POLRMT: variants seen among roughly 807,000 people sequenced by gnomAD.
POLRMT encodes RNA polymerase mitochondrial.
A neutral mutation model predicts 132.2 loss-of-function variants in POLRMT; 114 were observed. The ratio of observed to expected loss-of-function variants is 0.86; its 90% CI spans 0.74 to 1.01. The LOEUF (loss-of-function observed/expected upper bound fraction) is 1.01, where lower values mean the gene tolerates loss of function less well. Among genes scored for constraint, POLRMT ranks in the 50% least tolerant of loss-of-function variants. The pLI is 0.00. For missense variants in POLRMT, 2,003 were observed against 1,729.1 expected, an observed-to-expected ratio of 1.16 and a Z score of -2.81; for synonymous variants, 1,020 against 773.4, an observed-to-expected ratio of 1.32 and a Z score of -5.29.
chr19:620,883 GGGGGCGCC>G (rs1984488192), intron 10 of POLRMT, among the ~76,000 whole-genome samples, 167 bp downstream of exon 10: 12 of 47,740 alleles, frequency 2.5e-4, no homozygotes, highest in Non-Finnish European at 4.4e-4. Context: ...CGGGGGACGT[GGGGGCGCC>G]AGGGGAGGGG....
chr19:625,722 G>A (rs555874804), intron 3 of POLRMT, among the ~76,000 whole-genome samples: 1 of 152,278 alleles, frequency 6.6e-6, no homozygotes, highest in South Asian at 2.1e-4. Context: ...TTCCCCCCAA[G>A]ATGGAGTCTT....
At chr19:618,287 G>C in intron 17 of POLRMT, 1 of 571,968 alleles carries the variant, frequency 1.7e-6, no homozygotes, top group South Asian at 2.3e-5. Flanking sequence ...TCTCCCTGTC[G>C]GGCCACAGGA....
chr19:618,298 G>A (rs1301053861), intron 17 of POLRMT, 190 bp downstream of exon 17: 2 of 582,762 alleles, frequency 3.4e-6, no homozygotes, highest in African/African-American at 3.7e-5. Context: ...GGCCACAGGA[G>A]GGGAGCTGCC....
intron 15 of POLRMT, 62 bp downstream of exon 15, chr19:618,935 C>T (rs1984255801): frequency 2.1e-6 from 3 of 1,418,028 alleles, no homozygotes; most frequent in African/African-American, 1.4e-5. Context: ...GGCACTGGTA[C>T]ACTGGGACGC....
At position 629,734 on chromosome 19, in the gene POLRMT, G is replaced by C; in HGVS notation, c.628C>G (p.Pro210Ala). ...GKLSLDVEQA[P>A]SGQHSQAQLS... ...TGGGCCTGCGAGTGCTGCCCCGACGGGGCCTGCTCCACATCGAGGCTCAGC... is the reference window on the plus strand; with the variant it reads ...TGGGCCTGCGAGTGCTGCCCCGACGCGGCCTGCTCCACATCGAGGCTCAGC... The change falls in exon 3 of 21, where the codon CCG becomes GCG. Residue 210 changes from proline to alanine, a missense_variant. Coordinates refer to ENST00000588649, the MANE Select transcript of POLRMT (RefSeq NM_005035.4). The C allele has an allele frequency of 6.3e-7, 1 of 1,580,412 alleles. No homozygotes were observed. The highest frequency in any genetic ancestry group is 8.6e-7 in the Non-Finnish European group (1 of 1,164,556).
At chr19:632,277 C>T (rs1985474954) in intron 2 of POLRMT, among the ~76,000 whole-genome samples, 1 of 152,236 alleles carries the variant, frequency 6.6e-6, no homozygotes, top group Non-Finnish European at 1.5e-5. Flanking sequence ...TCTCCCTTCC[C>T]GGCTGCCTAA....
rs57880842 is a variant in POLRMT, at chr19:633,529, G to GGCGCCGCCGCCGCCGCCGCCGCC, written c.-18_-17insGGCGGCGGCGGCGGCGGCGGCGC. On this transcript the variant is annotated 5_prime_UTR_variant, in exon 1 of 21. Transcript: ENST00000588649. Reference sequence around the variant, plus strand: ...TGCCGACATTACGCACGCCGCTCCAGGCCACCCCACCGGCCCGCGCCTGCG... The same window carrying GGCGCCGCCGCCGCCGCCGCCGCC: ...TGCCGACATTACGCACGCCGCTCCAGGCGCCGCCGCCGCCGCCGCCGCCGCCACCCCACCGGCCCGCGCCTGCG... 0.04 allele frequency: 58,496 copies of GGCGCCGCCGCCGCCGCCGCCGCC among 1,458,556 alleles called. 2,640 individuals carry two copies. Among genetic ancestry groups the GGCGCCGCCGCCGCCGCCGCCGCC allele is most frequent in the East Asian group, 0.18 (6,128 of 34,292 alleles). The allele number at this position is 1,458,556 out of a possible 1,614,324, so 90.4% of individuals were successfully genotyped here.
rs1421447758 is a variant in POLRMT, at chr19:621,208, G to A, written c.2490C>T (p.Gly830=). The A allele has an allele frequency of 4.3e-6, 7 of 1,610,236 alleles. No individual in the cohort carries two copies. The highest frequency in any genetic ancestry group is 1.3e-5 in the African/African-American group (1 of 74,774). The change falls in exon 10 of 21, where the codon GGC becomes GGT. Residue 830 remains glycine, a synonymous_variant. Transcript: ENST00000588649. ...CCAGGCCGTGCGGGCCGAGCGGGCG[G>A]CCCTGGGCGAACTCCAGCAGGGCCC... ...VARALLEFAQ[G]RPLGPHGLDW...
At chr19:632,543 G>A (rs946468366) in intron 2 of POLRMT, among the ~76,000 whole-genome samples, 2 of 151,860 alleles carry the variant, frequency 1.3e-5, no homozygotes, top group Non-Finnish European at 2.9e-5. Flanking sequence ...GGCCGGGGGG[G>A]GGGTCTCTCC....
intron 15 of POLRMT, 78 bp downstream of exon 15, chr19:618,919 C>T (rs574794371): frequency 6.0e-5 from 82 of 1,371,040 alleles, no homozygotes; most frequent in East Asian, 2.8e-4. Context: ...GGTGGTGGTA[C>T]GCTGGGGCAC....
chr19:619,819 C>A, intron 12 of POLRMT, 54 bp from the exon 13 acceptor site: 2 of 1,548,316 alleles, frequency 1.3e-6, no homozygotes, highest in East Asian at 2.3e-5. Flanking sequence ...AGCCCAGGGG[C>A]CACCAAGCAC....
At position 629,986 on chromosome 19, in the gene POLRMT, G is replaced by A. The variant is rs1165052384; in HGVS notation, c.376C>T (p.Leu126=). The stretch of plus-strand genomic sequence containing the variant: ...TGCTGGGTCCGCTTATCCTTCTCCA[G>A]TATCTTTGCCCAGCGGCCACAGGGC... The part of the protein sequence containing the change: ...PVPCGRWAKI[L]EKDKRTQQMR... Residue 126 remains leucine, a synonymous_variant, in exon 3 of 21, where the codon CTG becomes TTG. Coordinates refer to ENST00000588649, the MANE Select transcript of POLRMT (RefSeq NM_005035.4). The A allele has an allele frequency of 6.2e-7, 1 of 1,613,846 alleles. No individual in the cohort carries two copies. The highest frequency in any genetic ancestry group is 2.2e-5 in the East Asian group (1 of 44,886).
chr19:629,717 C>T lies in POLRMT; in HGVS notation c.645G>A (p.Ser215=), dbSNP rs760693805. 52 of 1,592,548 alleles carry T rather than the reference C, an allele frequency of 3.3e-5. No homozygotes were observed. The highest frequency in any genetic ancestry group is 3.8e-5 in the Non-Finnish European group (45 of 1,170,442). Residue 215 remains serine, a synonymous_variant, in exon 3 of 21, where the codon TCG becomes TCA. Transcript: ENST00000588649. ...DVEQAPSGQH[S]QAQLSGQQQR... The stretch of plus-strand genomic sequence containing the variant: ...GCTGCTGACCTGAGAGCTGGGCCTG[C>T]GAGTGCTGCCCCGACGGGGCCTGCT...
chr19:620,181 C>T (rs1298105844), intron 11 of POLRMT, 101 bp from the exon 12 acceptor site: 17 of 1,488,348 alleles, frequency 1.1e-5, no homozygotes, highest in South Asian at 3.9e-5. Flanking sequence ...GGCCGTGCAC[C>T]CCCCAGCCAA....
At position 620,093 on chromosome 19, in the gene POLRMT, C is replaced by A; in HGVS notation, c.2764-13G>T. ...TGCAAGAGCCGTCCTGAGGAAGGGG[C>A]GGCAAACGGGAGATGGAAGCTAGAG... On this transcript the variant is annotated splice_polypyrimidine_tract_variant and intron_variant, in intron 11 of 20. Coordinates refer to ENST00000588649, the MANE Select transcript of POLRMT (RefSeq NM_005035.4). 1.3e-6 allele frequency: 2 copies of A among 1,536,810 alleles called. No homozygotes were observed. Among genetic ancestry groups the A allele is most frequent in the Middle Eastern group, 1.7e-4 (1 of 5,984 alleles).
At position 621,852 on chromosome 19, in the gene POLRMT, G is replaced by T; in HGVS notation, c.1852-6C>A. 6.2e-7 allele frequency: 1 copy of T among 1,601,384 alleles called. No homozygotes were observed. Among genetic ancestry groups the T allele is most frequent in the Non-Finnish European group, 8.5e-7 (1 of 1,179,752 alleles). ...TGCGGCTTCAGGATGCCGATCTGGG[G>T]TGCGACAGGCAGACGGGTCAGGGCC... On this transcript the variant is annotated splice_polypyrimidine_tract_variant and splice_region_variant and intron_variant, in intron 9 of 20. Coordinates refer to ENST00000588649, the MANE Select transcript of POLRMT (RefSeq NM_005035.4).
intron 1 of POLRMT, chr19:633,184 G>A: frequency 1.7e-6 from 1 of 598,466 alleles, no homozygotes; most frequent in African/African-American, 2.0e-5. Flanking sequence ...AAGGTTAAGA[G>A]CCCTAAACAC....
rs1568371986 is a variant in POLRMT at position 617,233 on chromosome 19, C to CA, written c.*40dup. 6.2e-7 allele frequency: 1 copy of CA among 1,609,200 alleles called. No individual in the cohort carries two copies. The highest frequency in any genetic ancestry group is 8.5e-7 in the Non-Finnish European group (1 of 1,177,680). ...TGAAGACAGTGGCTCCTGGGGGTGG[C>CA]AAAAGAGCTTTATTTACACACTGAC... On this transcript the variant is annotated 3_prime_UTR_variant, in exon 21 of 21. Coordinates refer to ENST00000588649, the MANE Select transcript of POLRMT (RefSeq NM_005035.4).
At position 629,567 on chromosome 19, in the gene POLRMT, G is replaced by C. The variant is rs374707287; in HGVS notation, c.795C>G (p.Asn265Lys). The change falls in exon 3 of 21, where the codon AAC (asparagine) becomes AAG (lysine). Residue 265 changes from asparagine to lysine, a missense_variant. By Grantham distance (94) the Asn-to-Lys change is moderately conservative. Coordinates refer to ENST00000588649, the MANE Select transcript of POLRMT (RefSeq NM_005035.4). ...GCCGCGCCCAGCCAAGCATCACGGCGTTGTACATGTCCAGCGTGAGCAGCT... is the reference window on the plus strand; with the variant it reads ...GCCGCGCCCAGCCAAGCATCACGGCCTTGTACATGTCCAGCGTGAGCAGCT... ...KRKLLTLDMY[N>K]AVMLGWARQG... 1 of 1,566,826 alleles carries C rather than the reference G, an allele frequency of 6.4e-7. No individual in the cohort carries two copies. Among genetic ancestry groups the C allele is most frequent in the Non-Finnish European group, 8.6e-7 (1 of 1,156,882 alleles).
Sources: allele counts gnomAD v4.1 joint callset (sites outside exome capture counted in the v4.1 genomes callset), GRCh38; gene constraint gnomAD v4.1.1; transcripts MANE v1.5; gene names NCBI Gene and HGNC (gene_info 2026-07-23, HGNC 2026-07-21).